Variants in RUNX2 observed in about 807,000 individuals in gnomAD.
RUNX2 encodes the protein RUNX family transcription factor 2, also known as runt-related transcription factor 2.
RUNX2 carries 10 observed loss-of-function variants against 51.7 expected under a neutral mutation model. The ratio of observed to expected loss-of-function variants is 0.19; its 90% confidence interval spans 0.12 to 0.33. The LOEUF is 0.33. Ranked by LOEUF, RUNX2 falls within the 10% of genes least tolerant of loss-of-function variation. The pLI, the probability that RUNX2 is intolerant of heterozygous loss-of-function variation, is 1.00. For missense variants in RUNX2, 562 were observed against 691.3 expected (o/e 0.81, Z 2.10); for synonymous variants, 276 against 273.6 (o/e 1.01, Z -0.09).
chr6:45,530,567 A>G (rs1801811312), intron 7 of RUNX2, among the ~76,000 whole-genome samples: 1 of 152,224 alleles, frequency 6.6e-6, no homozygotes, highest in East Asian at 1.9e-4. Context: ...CTGGCAGCTT[A>G]TCAAGCTGCT....
At chr6:45,479,390 T>G (rs1477828952) in intron 5 of RUNX2, among the ~76,000 whole-genome samples, 1 of 152,188 alleles carries the variant, frequency 6.6e-6, no homozygotes, top group Admixed American at 6.5e-5. Context: ...CAAAGAAAGG[T>G]ATGCTTGTGA....
intron 6 of RUNX2, among the ~76,000 whole-genome samples, chr6:45,509,852 G>A (rs1563117242): frequency 6.6e-6 from 1 of 152,164 alleles, no homozygotes; most frequent in South Asian, 2.1e-4. Context: ...ACTTGTTGCA[G>A]GAGAGGAATG....
intron 2 of RUNX2, among the ~76,000 whole-genome samples, chr6:45,402,012 A>C (rs892550782): frequency 6.6e-6 from 1 of 152,216 alleles, no homozygotes; most frequent in Non-Finnish European, 1.5e-5. Flanking sequence ...GTCCCATTCG[A>C]CATCGTATTA....
intron 3 of RUNX2, among the ~76,000 whole-genome samples, chr6:45,426,445 T>C (rs1223443868): frequency 1.3e-5 from 2 of 152,226 alleles, no homozygotes; most frequent in East Asian, 1.9e-4. Context: ...GTGTCAACCA[T>C]GCATCCAGTA....
intron 2 of RUNX2, among the ~76,000 whole-genome samples, chr6:45,382,510 C>G (rs922963935): frequency 5.3e-5 from 8 of 152,116 alleles, no homozygotes; most frequent in Non-Finnish European, 1.2e-4. Flanking sequence ...GAAGGAGATA[C>G]CTGCACATAT....
At chr6:45,491,849 A>T (rs1582168867) in intron 5 of RUNX2, 92 bp from the exon 6 acceptor site, 1 of 1,306,522 alleles carries the variant, frequency 7.7e-7, no homozygotes, top group East Asian at 2.3e-5. Context: ...TCCTTGGCTT[A>T]AACTCCCAGT....
At chr6:45,450,025 T>C (rs1031040762) in intron 5 of RUNX2, among the ~76,000 whole-genome samples, 2 of 152,216 alleles carry the variant, frequency 1.3e-5, no homozygotes, top group Non-Finnish European at 2.9e-5. Context: ...TAGATAATGC[T>C]GGTACTGTTA....
At chr6:45,471,110 T>G (rs1799786505) in intron 5 of RUNX2, among the ~76,000 whole-genome samples, 1 of 152,138 alleles carries the variant, frequency 6.6e-6, no homozygotes, top group Admixed American at 6.5e-5. Context: ...CACTTGGGGG[T>G]TGGGAATGGG....
chr6:45,367,459 A>G (rs1025784982), intron 2 of RUNX2, among the ~76,000 whole-genome samples: 2 of 148,158 alleles, frequency 1.3e-5, no homozygotes, highest in African/African-American at 4.9e-5. Flanking sequence ...GACTCGGATT[A>G]AAAAAAAAAA....
chr6:45,397,099 A>G (rs1797597758), intron 2 of RUNX2, among the ~76,000 whole-genome samples: 1 of 150,690 alleles, frequency 6.6e-6, no homozygotes, highest in African/African-American at 2.4e-5. Context: ...GTAAATTTAT[A>G]TTTAAAACTT....
chr6:45,432,707 G>A (rs1354342539), intron 4 of RUNX2, among the ~76,000 whole-genome samples: 1 of 151,868 alleles, frequency 6.6e-6, no homozygotes, highest in Non-Finnish European at 1.5e-5. Context: ...TCCCTTTTAG[G>A]GTTTTTGTAA....
At chr6:45,357,457 A>C (rs1331128804) in intron 2 of RUNX2, among the ~76,000 whole-genome samples, 1 of 152,036 alleles carries the variant, frequency 6.6e-6, no homozygotes, top group East Asian at 1.9e-4. Context: ...CAGCCTCCCA[A>C]GTAGCTGGGA....
chr6:45,478,567 A>G (rs990993262), intron 5 of RUNX2, among the ~76,000 whole-genome samples: 2 of 152,144 alleles, frequency 1.3e-5, no homozygotes, highest in East Asian at 3.8e-4. Flanking sequence ...ATTAGAAATG[A>G]GATTCTCCTT....
At position 45,545,335 on chromosome 6, in the gene RUNX2, T is replaced by C. The variant is rs1043573843; in HGVS notation, c.1087+53T>C. 19 of 1,539,312 alleles carry C rather than the reference T, an allele frequency of 1.2e-5. No individual in the cohort carries two copies. The East Asian group carries it at 3.9e-4, about 32-fold the overall frequency. ...GGCAGGGCTGGGCTGGGCTGGGCTG[T>C]CTGGTTGTTACTGTCCGATTTGTGA... On this transcript the variant is annotated intron_variant, in intron 8 of 8. Transcript: ENST00000647337.
At chr6:45,532,616 T>A (rs1177637704) in intron 7 of RUNX2, among the ~76,000 whole-genome samples, 1 of 152,172 alleles carries the variant, frequency 6.6e-6, no homozygotes, top group Non-Finnish European at 1.5e-5. Context: ...GAACCACCAA[T>A]GACCTCTTCC....
chr6:45,441,951 C>T (rs1345258149), intron 5 of RUNX2, among the ~76,000 whole-genome samples: 1 of 152,346 alleles, frequency 6.6e-6, no homozygotes, highest in South Asian at 2.1e-4. Context: ...TGAACCAGTG[C>T]TGTCACATCA....
intron 5 of RUNX2, among the ~76,000 whole-genome samples, chr6:45,475,386 G>A (rs1227415692): frequency 1.3e-5 from 2 of 152,160 alleles, no homozygotes; most frequent in Non-Finnish European, 2.9e-5. Flanking sequence ...AAAATTCTAG[G>A]TAGATAGATG....
chr6:45,516,575 A>G (rs935480207), intron 7 of RUNX2, among the ~76,000 whole-genome samples: 1 of 152,234 alleles, frequency 6.6e-6, no homozygotes, highest in African/African-American at 2.4e-5. Context: ...GTGATTTTAT[A>G]CATTATCTCA....
At position 45,359,480 on chromosome 6, in the gene RUNX2, C is replaced by T. The variant is rs564292694; in HGVS notation, c.58+30696C>T. Among the ~76,000 whole-genome samples, 6 of 151,978 alleles carry T rather than the reference C, an allele frequency of 3.9e-5. No individual in the cohort carries two copies. In the South Asian group the frequency reaches 1.2e-3, roughly 32 times the overall value. Reference sequence around the variant, plus strand: ...ACAAAAAGTAAATGGGTAAGTTTACCACATATTTTAGTGTAATTTAAATAT... The same window carrying T: ...ACAAAAAGTAAATGGGTAAGTTTACTACATATTTTAGTGTAATTTAAATAT... On this transcript the variant is annotated intron_variant, in intron 2 of 8. Transcript: ENST00000647337.
Sources: allele counts gnomAD v4.1 joint callset (sites outside exome capture counted in the v4.1 genomes callset), GRCh38; gene constraint gnomAD v4.1.1; transcripts MANE v1.5; gene names NCBI Gene and HGNC (gene_info 2026-07-23, HGNC 2026-07-21).